The following CPO variants were observed in gnomAD, a reference collection of about 807,000 sequenced individuals.
The protein encoded by CPO is metallocarboxypeptidase C.
CPO carries 43 observed loss-of-function variants against 41.2 expected under a neutral mutation model. The observed-to-expected ratio is 1.04, with a 90% CI of 0.82 to 1.35. CPO has a LOEUF of 1.35. Among genes scored for constraint, CPO ranks in the 40% most tolerant of loss-of-function variants. The pLI is 0.00. For synonymous variants in CPO, 178 were observed against 162.7 expected (o/e 1.09, Z -0.72); for missense variants, 408 against 451.7 (o/e 0.90, Z 0.88).
At chr2:206,953,532 C>T (rs1241634823) in intron 2 of CPO, among the ~76,000 whole-genome samples, 1 of 152,236 alleles carries the variant, frequency 6.6e-6, no homozygotes, top group Non-Finnish European at 1.5e-5. Flanking sequence ...ACATTCTGTC[C>T]CTGTGCCTTT....
chr2:206,968,695 G>A (rs1693629063), intron 8 of CPO, among the ~76,000 whole-genome samples: 1 of 152,176 alleles, frequency 6.6e-6, no homozygotes, highest in Non-Finnish European at 1.5e-5. Context: ...GGACCCATCA[G>A]GCTAAGAAAG....
chr2:206,960,899 T>C lies in CPO; in HGVS notation c.531T>C (p.Cys177=). 1 of 1,613,810 alleles carries C rather than the reference T, an allele frequency of 6.2e-7. No homozygotes were observed. Residue 177 remains cysteine (C), a synonymous_variant, in exon 6 of 9, where the codon TGT becomes TGC. Transcript: ENST00000272852. ...KSRSPHNNGT[C]FGTDLNRNFN... ...GTTCACCCCATAATAATGGCACATG[T>C]TTTGGGACGGATCTCAATCGAAATT...
chr2:206,955,663 T>A, intron 3 of CPO, 99 bp downstream of exon 3: 1 of 767,820 alleles, frequency 1.3e-6, no homozygotes, highest in Non-Finnish European at 2.3e-6. Context: ...GAAAAGAGGC[T>A]ATGCAGAATC....
intron 2 of CPO, 77 bp downstream of exon 2, chr2:206,949,790 A>G: frequency 1.1e-6 from 1 of 890,520 alleles, no homozygotes; most frequent in South Asian, 1.4e-5. Flanking sequence ...GTTCACTAGT[A>G]ATATCCATGC....
chr2:206,956,651 T>C (rs1353044044), intron 3 of CPO, among the ~76,000 whole-genome samples: 1 of 152,188 alleles, frequency 6.6e-6, no homozygotes, highest in Non-Finnish European at 1.5e-5. Context: ...TTCTAACAAG[T>C]TCCTAGGTGA....
intron 1 of CPO, among the ~76,000 whole-genome samples, chr2:206,940,260 A>G (rs2105816462): frequency 6.6e-6 from 1 of 152,254 alleles, no homozygotes; most frequent in South Asian, 2.1e-4. Flanking sequence ...GCAACCAGCT[A>G]CATAATTTTT....
intron 7 of CPO, 89 bp downstream of exon 7, chr2:206,962,703 C>T: frequency 1.9e-6 from 2 of 1,073,670 alleles, no homozygotes; most frequent in South Asian, 1.3e-5. Context: ...ATTTTGGCTC[C>T]AGCCACCCTT....
chr2:206,939,641 G>T lies in CPO; in HGVS notation c.42G>T (p.Leu14=), dbSNP rs1692993021. The T allele has an allele frequency of 6.2e-7, 1 of 1,611,238 alleles. No homozygotes were observed. The highest frequency in any genetic ancestry group is 8.5e-7 in the Non-Finnish European group (1 of 1,177,906). The change falls in exon 1 of 9, where the codon CTG becomes CTT. Residue 14 remains leucine, a synonymous_variant. Coordinates refer to ENST00000272852, the MANE Select transcript of CPO (RefSeq NM_173077.3). ...LLETLYLLGM[L]VPGGLGYDRS... ...AAACCCTTTATCTTTTGGGGATGCT[G>T]GTTCCTGGAGGGCTGGGATATGATA...
intron 1 of CPO, among the ~76,000 whole-genome samples, chr2:206,942,027 T>C (rs1037676209): frequency 6.6e-6 from 1 of 152,074 alleles, no homozygotes; most frequent in Non-Finnish European, 1.5e-5. Context: ...TAAGGTATTA[T>C]CTCTAGAATT....
At chr2:206,949,753 A>C (rs757048235) in intron 2 of CPO, 40 bp downstream of exon 2, 2 of 1,313,706 alleles carry the variant, frequency 1.5e-6, no homozygotes, top group Non-Finnish European at 2.2e-6. Context: ...TGGTTGTCAC[A>C]ACCTACTTTA....
At position 206,969,158 on chromosome 2, in the gene CPO, A is replaced by T. The variant is rs1163107475; in HGVS notation, c.863-16A>T. 5.0e-6 allele frequency: 8 copies of T among 1,612,014 alleles called. No homozygotes were observed. The highest frequency in any genetic ancestry group is 5.1e-6 in the Non-Finnish European group (6 of 1,178,282). On this transcript the variant is annotated splice_polypyrimidine_tract_variant and intron_variant, in intron 8 of 8. Transcript: ENST00000272852. The stretch of plus-strand genomic sequence containing the variant: ...AAGTATGACTTCTACCTCTGCCTTC[A>T]TGTTTTCACCTGTAGATGCCTCATC...
Position 206,939,665 on chromosome 2 carries a change from T to C in CPO, c.66T>C (p.Asp22=), listed in dbSNP as rs781350498. The change falls in exon 1 of 9, where the codon GAT becomes GAC. Residue 22 remains aspartate, a splice_region_variant and synonymous_variant. Coordinates refer to ENST00000272852, the MANE Select transcript of CPO (RefSeq NM_173077.3). The part of the protein sequence containing the change: ...GMLVPGGLGY[D]RSLAQHRQEI... ...TGGTTCCTGGAGGGCTGGGATATGA[T>C]AGGTGAGTGTAAAGTGGGAAGAGGA... 1.2e-6 allele frequency: 2 copies of C among 1,609,880 alleles called. No individual in the cohort carries two copies. Among genetic ancestry groups the C allele is most frequent in the Middle Eastern group, 1.7e-4 (1 of 6,024 alleles).
intron 1 of CPO, among the ~76,000 whole-genome samples, chr2:206,943,743 T>C (rs1206723838): frequency 7.4e-6 from 1 of 135,694 alleles, no homozygotes; most frequent in Non-Finnish European, 1.6e-5. Context: ...GATAGATAGA[T>C]AGATAGATAG....
At chr2:206,946,079 T>C (rs1009676884) in intron 1 of CPO, among the ~76,000 whole-genome samples, 3 of 152,066 alleles carry the variant, frequency 2.0e-5, no homozygotes, top group Non-Finnish European at 4.4e-5. Flanking sequence ...TTATACCAAT[T>C]CTCTGCAATG....
Position 206,969,248 on chromosome 2 carries a change from G to T in CPO, c.937G>T (p.Asp313Tyr), listed in dbSNP as rs769941479. Residue 313 changes from aspartate (D) to tyrosine (Y), a missense_variant, in exon 9 of 9, where the codon GAC (aspartate) becomes TAC (tyrosine). Physicochemically the swap from Asp to Tyr is radical, Grantham distance 160. Coordinates refer to ENST00000272852, the MANE Select transcript of CPO (RefSeq NM_173077.3). The stretch of plus-strand genomic sequence containing the variant: ...CTTCTCATATACGTTTGAGCTGAGG[G>T]ACAGTGGAACATATGGGTTTGTTCT... ...IPFSYTFELR[D>Y]SGTYGFVLPE... 1.9e-6 allele frequency: 3 copies of T among 1,614,044 alleles called. No individual in the cohort carries two copies. In the African/African-American group the frequency reaches 4.0e-5, roughly 22 times the overall value.
At chr2:206,964,972 T>A (rs1693546037) in intron 7 of CPO, among the ~76,000 whole-genome samples, 1 of 152,042 alleles carries the variant, frequency 6.6e-6, no homozygotes. Flanking sequence ...GATTGGAGGG[T>A]CTTGTACTGC....
intron 4 of CPO, 41 bp from the exon 5 acceptor site, chr2:206,959,590 A>G (rs1194512660): frequency 3.3e-6 from 3 of 909,854 alleles, no homozygotes; most frequent in Non-Finnish European, 5.5e-6. Context: ...GAGAGAAAAG[A>G]TCTCAAAATA....
chr2:206,944,117 A>C (rs1347178194), intron 1 of CPO, among the ~76,000 whole-genome samples: 2 of 152,100 alleles, frequency 1.3e-5, no homozygotes, highest in Non-Finnish European at 2.9e-5. Flanking sequence ...AGTAGTAAGA[A>C]TATATACCCA....
rs1034320728 is a variant in CPO at position 206,958,437 on chromosome 2, A to G, written c.372+32A>G. 3.4e-6 allele frequency: 4 copies of G among 1,180,342 alleles called. No homozygotes were observed. The African/African-American group carries it at 4.6e-5, about 14-fold the overall frequency. The allele number at this position is 1,180,342 out of a possible 1,614,324, so 73.1% of individuals were successfully genotyped here. On this transcript the variant is annotated intron_variant, in intron 4 of 8. Transcript: ENST00000272852. ...GTCTTTAGCTTTCTCATACTGGTAAATCACCCCCATAAAATATCTGTCACT... is the reference window on the plus strand; with the variant it reads ...GTCTTTAGCTTTCTCATACTGGTAAGTCACCCCCATAAAATATCTGTCACT...
Sources: gnomAD v4.1 joint callset for allele counts (sites outside exome capture counted in the v4.1 genomes callset) on GRCh38, gnomAD v4.1.1 for gene constraint, MANE v1.5 for transcripts, NCBI Gene and HGNC (gene_info 2026-07-23, HGNC 2026-07-21) for gene names.